The following SMIM35 variants were observed in gnomAD, a reference collection of about 807,000 sequenced individuals.
The protein encoded by SMIM35 is TMPRSS4 antisense RNA 1 (non-protein coding).
chr11:118,079,273 C>G (rs150502145), intron 1 of SMIM35, among the ~76,000 whole-genome samples: 155 of 152,264 alleles, frequency 1.0e-3, no homozygotes, highest in African/African-American at 3.6e-3. Context: ...AGGATGGGAT[C>G]TCCACACCCA....
At chr11:118,031,277 T>C (rs564769539) in intron 1 of SMIM35, among the ~76,000 whole-genome samples, 7 of 152,312 alleles carry the variant, frequency 4.6e-5, no homozygotes, top group African/African-American at 1.7e-4. Flanking sequence ...GAGGCAGCAA[T>C]GTCCCAATAT....
At chr11:118,076,535 G>A (rs1006422395) in intron 1 of SMIM35, among the ~76,000 whole-genome samples, 2 of 152,154 alleles carry the variant, frequency 1.3e-5, no homozygotes, top group African/African-American at 4.8e-5. Flanking sequence ...CACCAATAGT[G>A]ATTTTCAGAA....
At chr11:118,044,203 G>T (rs1181830568) in intron 1 of SMIM35, among the ~76,000 whole-genome samples, 1 of 151,198 alleles carries the variant, frequency 6.6e-6, no homozygotes, top group Non-Finnish European at 1.5e-5. Flanking sequence ...GCAAAAAGCA[G>T]AGGTATCAAG....
intron 1 of SMIM35, among the ~76,000 whole-genome samples, chr11:118,035,617 C>G (rs1399784090): frequency 1.3e-5 from 2 of 152,170 alleles, no homozygotes; most frequent in African/African-American, 4.8e-5. Context: ...TGGCCAGGCT[C>G]TCCCCAGCCA....
chr11:118,082,785 T>G (rs59541976), intron 1 of SMIM35, among the ~76,000 whole-genome samples: 1 of 152,164 alleles, frequency 6.6e-6, no homozygotes, highest in African/African-American at 2.4e-5. Flanking sequence ...ATATTATAAG[T>G]GGATCAGGCC....
chr11:118,053,940 C>T (rs1254721601), intron 1 of SMIM35, among the ~76,000 whole-genome samples: 2 of 152,072 alleles, frequency 1.3e-5, no homozygotes, highest in African/African-American at 2.4e-5. Context: ...AAGTCTAAAC[C>T]CCTAACATCT....
chr11:118,015,093 A>G (rs2058172611), intron 2 of SMIM35, among the ~76,000 whole-genome samples: 1 of 152,252 alleles, frequency 6.6e-6, no homozygotes, highest in Non-Finnish European at 1.5e-5. Context: ...ATCATATTAG[A>G]CAAAAGTGCA....
At chr11:118,010,124 G>A (rs1473722175) in intron 4 of SMIM35, among the ~76,000 whole-genome samples, 1 of 152,232 alleles carries the variant, frequency 6.6e-6, no homozygotes, top group Non-Finnish European at 1.5e-5. Flanking sequence ...GCAAGAAAAG[G>A]CTTTGTGTTC....
intron 1 of SMIM35, among the ~76,000 whole-genome samples, chr11:118,058,071 A>G (rs953577594): frequency 1.1e-4 from 16 of 152,332 alleles, no homozygotes; most frequent in Admixed American, 2.6e-4. Flanking sequence ...TAGTTGACAT[A>G]GGGTCATACT....
At chr11:118,085,709 G>A (rs1418531985) in intron 1 of SMIM35, among the ~76,000 whole-genome samples, 2 of 152,122 alleles carry the variant, frequency 1.3e-5, no homozygotes, top group Non-Finnish European at 2.9e-5. Flanking sequence ...AACCCATGAG[G>A]GTCCCTGCCA....
rs1591317154 is a variant in SMIM35 at position 118,077,019 on chromosome 11, C to T, written c.7+9732G>A. 3.6e-5 allele frequency: 16 copies of T among 439,886 alleles called. No individual in the cohort carries two copies. The East Asian group carries it at 6.1e-4, about 17-fold the overall frequency. The allele number at this position is 439,886 out of a possible 1,614,324, so 27.2% of individuals were successfully genotyped here. On this transcript the variant is annotated intron_variant, in intron 1 of 4. Coordinates refer to ENST00000689828, the MANE Select transcript of SMIM35 (RefSeq NM_001394165.1). ...CAGGTTACAAGACACATAATCATTC[C>T]AGTTTGGCAACTTCACTTGTAGGGC...
At chr11:118,013,025 C>G (rs2058158252) in intron 4 of SMIM35, among the ~76,000 whole-genome samples, 1 of 152,168 alleles carries the variant, frequency 6.6e-6, no homozygotes, top group Non-Finnish European at 1.5e-5. Context: ...GATCTAGATT[C>G]CTCCTGAGGA....
chr11:118,031,053 T>C (rs1164639693), intron 1 of SMIM35, among the ~76,000 whole-genome samples: 2 of 152,108 alleles, frequency 1.3e-5, no homozygotes, highest in African/African-American at 2.4e-5. Flanking sequence ...AAGGATTAAT[T>C]AAGTAGTATG....
At chr11:118,058,933 G>A (rs1454596807) in intron 1 of SMIM35, among the ~76,000 whole-genome samples, 1 of 152,232 alleles carries the variant, frequency 6.6e-6, no homozygotes, top group Non-Finnish European at 1.5e-5. Context: ...GGGCAAGAGG[G>A]GCAAGCGACA....
intron 1 of SMIM35, among the ~76,000 whole-genome samples, chr11:118,065,277 C>T (rs576278260): frequency 1.3e-5 from 2 of 152,270 alleles, no homozygotes; most frequent in South Asian, 2.1e-4. Flanking sequence ...CCTAGAGCAC[C>T]GTGAAGAGGT....
chr11:118,031,535 A>T (rs2135057788), intron 1 of SMIM35, among the ~76,000 whole-genome samples: 1 of 152,328 alleles, frequency 6.6e-6, no homozygotes, highest in East Asian at 1.9e-4. Context: ...AGGGAAGGCG[A>T]GAGTATCAAA....
chr11:118,010,267 A>G (rs2058143288), intron 4 of SMIM35, among the ~76,000 whole-genome samples: 1 of 152,202 alleles, frequency 6.6e-6, no homozygotes. Context: ...AGAGAGGGGC[A>G]CCAGAGACAC....
rs2058116062 is a variant in SMIM35, at chr11:118,005,404, A to C, written c.*1006T>G. On this transcript the variant is annotated 3_prime_UTR_variant, in exon 5 of 5. Coordinates refer to ENST00000689828, the MANE Select transcript of SMIM35 (RefSeq NM_001394165.1). ...TTGTTATCACCCAGTCCACACCTTT[A>C]AGTGTTATCTGGATGCTGGTGGCTT... is the stretch of plus-strand genomic sequence containing the variant. 1 of 152,086 alleles carries C rather than the reference A, an allele frequency of 6.6e-6. No individual in the cohort carries two copies. The highest frequency in any genetic ancestry group is 2.4e-5 in the African/African-American group (1 of 41,388). 9.4% of individuals were successfully genotyped at this position (152,086 alleles called of 1,614,324 possible).
At chr11:118,064,921 C>T (rs990915973) in intron 1 of SMIM35, among the ~76,000 whole-genome samples, 2 of 152,220 alleles carry the variant, frequency 1.3e-5, no homozygotes, top group Admixed American at 6.5e-5. Flanking sequence ...GGATTACAGG[C>T]GTGAGCCACC....
Sources: gnomAD v4.1 joint callset for allele counts (sites outside exome capture counted in the v4.1 genomes callset) on GRCh38, gnomAD v4.1.1 for gene constraint, MANE v1.5 for transcripts, NCBI Gene and HGNC (gene_info 2026-07-23, HGNC 2026-07-21) for gene names.